Variants in PSG8 observed in about 807,000 individuals in gnomAD.
PSG8 encodes the protein pregnancy-specific beta-1-glycoprotein 8.
In PSG8, 57 loss-of-function variants were observed where a neutral mutation model predicts 42.5. The ratio of observed to expected loss-of-function variants is 1.34; its 90% CI spans 1.08 to 1.67. PSG8 has a LOEUF of 1.67. PSG8 is among the 40% of genes most tolerant of loss of function. The pLI is 0.00. For synonymous variants in PSG8, 280 were observed against 196.8 expected (o/e 1.42, Z -3.54); for missense variants, 783 against 518.6 (o/e 1.51, Z -4.95).
Position 42,765,548 on chromosome 19 carries a change from G to T in PSG8, c.34C>A (p.Arg12Ser), listed in dbSNP as rs200221981. The T allele has an allele frequency of 6.2e-7, 1 of 1,611,248 alleles. No individual in the cohort carries two copies. Among genetic ancestry groups the T allele is most frequent in the South Asian group, 1.1e-5 (1 of 91,052 alleles). ...AGCAGGAGCCCCTTCCAGGTGATGC[G>T]CTGTGTGCAGGGAGGGGCTGAGAGG... The part of the protein sequence containing the change: ...GLLSAPPCTQ[R>S]ITWKGLLLTA... Residue 12 changes from arginine (R) to serine (S), a missense_variant, in exon 1 of 5, where the codon CGC becomes AGC. Transcript: ENST00000306511.
At chr19:42,756,375 A>G (rs186864561) in intron 3 of PSG8, among the ~76,000 whole-genome samples, 1 of 152,300 alleles carries the variant, frequency 6.6e-6, no homozygotes, top group African/African-American at 2.4e-5. Context: ...GGGAGGTTCT[A>G]GAGATCTGCT....
At chr19:42,752,996 G>T (rs1969819592), downstream of PSG8, 1 of 494,262 alleles carries the variant, frequency 2.0e-6, no homozygotes, top group Admixed American at 3.4e-5. Flanking sequence ...ACCCTCAGAA[G>T]CTACTACATG....
chr19:42,752,997 C>A, downstream of PSG8: 2 of 497,146 alleles, frequency 4.0e-6, no homozygotes, highest in Non-Finnish European at 3.6e-6. Flanking sequence ...CCCTCAGAAG[C>A]TACTACATGT....
chr19:42,755,164 T>C lies in PSG8; in HGVS notation c.812A>G (p.Tyr271Cys), dbSNP rs1969889462. Residue 271 changes from tyrosine (Y) to cysteine (C), a missense_variant, in exon 4 of 5, where the codon TAC becomes TGC. By Grantham distance (194) the Tyr-to-Cys change is radical. Coordinates refer to ENST00000306511, the MANE Select transcript of PSG8 (RefSeq NM_182707.3). The stretch of plus-strand genomic sequence containing the variant: ...GCTCTGACCATTTAGCCACCAAATG[T>C]AGGTGTAGTTCTCACTCTTAGGTTC... ...TCEPKSENYTYIWWLNGQSLP... is the reference protein window; with the variant it reads ...TCEPKSENYTCIWWLNGQSLP... 1.1e-5 allele frequency: 18 copies of C among 1,611,908 alleles called. No homozygotes were observed. In the East Asian group the frequency reaches 3.8e-4, roughly 34 times the overall value.
intron 3 of PSG8, 171 bp from the exon 4 acceptor site, chr19:42,755,437 A>C: frequency 7.4e-7 from 1 of 1,351,770 alleles, no homozygotes; most frequent in Non-Finnish European, 1.0e-6. Flanking sequence ...GGGCTCAAAG[A>C]CTATGAGGCC....
At position 42,758,163 on chromosome 19, in the gene PSG8, T is replaced by C; in HGVS notation, c.548A>G (p.Asn183Ser). Residue 183 changes from asparagine to serine, a missense_variant, in exon 3 of 5, where the codon AAT (asparagine) becomes AGT (serine). Coordinates refer to ENST00000306511, the MANE Select transcript of PSG8 (RefSeq NM_182707.3). ...GTGAGACATAGGGAGGCTCTGACCA[T>C]TCATCCACCACAGGTAGCTTGCGTC... ...TPDASYLWWM[N>S]GQSLPMSHRL... The C allele has an allele frequency of 6.2e-7, 1 of 1,613,974 alleles. No homozygotes were observed. Among genetic ancestry groups the C allele is most frequent in the South Asian group, 1.1e-5 (1 of 91,058 alleles).
chr19:42,758,420 G>A, intron 2 of PSG8, 140 bp from the exon 3 acceptor site: 1 of 1,502,730 alleles, frequency 6.7e-7, no homozygotes, highest in Non-Finnish European at 8.9e-7. Context: ...TGTGTTGCAA[G>A]ACAGATGCAG....
At position 42,758,298 on chromosome 19, in the gene PSG8, A is replaced by G. The variant is rs1287067945; in HGVS notation, c.431-18T>C. 8 of 1,611,132 alleles carry G rather than the reference A, an allele frequency of 5.0e-6. No homozygotes were observed. The highest frequency in any genetic ancestry group is 1.1e-5 in the South Asian group (1 of 90,888). The stretch of plus-strand genomic sequence containing the variant: ...AGTCTCCACTGTGCAGAAAACAGAG[A>G]GAAGATTGCCCTGTGTGGCACCTTT... On this transcript the variant is annotated intron_variant, in intron 2 of 4. Transcript: ENST00000306511.
rs149943830 is a variant in PSG8, at chr19:42,754,408, C to T, written c.1168G>A (p.Gly390Arg). The T allele has an allele frequency of 9.9e-5, 159 of 1,613,670 alleles. 4 individuals carry two copies. In the South Asian group the frequency reaches 1.6e-3, roughly 16 times the overall value. Reference protein sequence around the residue: ...FIPQITTKHSGLYACSVRNSA... With the variant: ...FIPQITTKHSRLYACSVRNSA... The stretch of plus-strand genomic sequence containing the variant: ...TTACGAACAGAGCAAGCATAGAGCC[C>T]GCTATGCTTTGTAGTAATTTGGGGG... The change falls in exon 5 of 5, where the codon GGG becomes AGG. Residue 390 changes from glycine to arginine, a missense_variant. Physicochemically the swap from Gly to Arg is moderately radical, Grantham distance 125. Transcript: ENST00000306511.
At chr19:42,755,405 A>G in intron 3 of PSG8, 139 bp from the exon 4 acceptor site, 3 of 1,457,708 alleles carry the variant, frequency 2.1e-6, no homozygotes, top group Non-Finnish European at 2.8e-6. Flanking sequence ...GTGTGTCACA[A>G]GACAGATGCA....
At chr19:42,754,122 G>T (rs913533148), downstream of PSG8, 17 of 1,296,494 alleles carry the variant, frequency 1.3e-5, no homozygotes, top group African/African-American at 6.0e-5. Flanking sequence ...TTCCTGCTTG[G>T]TCTAGGCTGG....
chr19:42,764,298 G>C lies in PSG8; in HGVS notation c.65-17C>G. 1 of 1,607,626 alleles carries C rather than the reference G, an allele frequency of 6.2e-7. No individual in the cohort carries two copies. The highest frequency in any genetic ancestry group is 8.5e-7 in the Non-Finnish European group (1 of 1,176,900). ...AAAGTGATGCTAGGAGGTGGAGAGA[G>C]CATCAGTCAATATTGAGAGCTATGT... On this transcript the variant is annotated splice_polypyrimidine_tract_variant and intron_variant, in intron 1 of 4. Transcript: ENST00000306511.
Position 42,760,037 on chromosome 19 carries a change from A to G in PSG8, c.431-1757T>C, listed in dbSNP as rs1321698475. On this transcript the variant is annotated intron_variant, in intron 2 of 4. Transcript: ENST00000306511. ...GTGTGTTATGTTAGTAAATATAGAA[A>G]GAACTCCCTGCTTCTAAATTCTGTG... 2.0e-5 allele frequency among the ~76,000 whole-genome samples: 3 copies of G among 152,202 alleles called. No homozygotes were observed. In the South Asian group the frequency reaches 6.2e-4, roughly 32 times the overall value.
intron 2 of PSG8, among the ~76,000 whole-genome samples, chr19:42,759,559 C>G (rs1400936903): frequency 2.6e-5 from 4 of 152,144 alleles, no homozygotes; most frequent in African/African-American, 7.2e-5. Context: ...CACAATGCGC[C>G]AGTGAGCACT....
intron 2 of PSG8, among the ~76,000 whole-genome samples, chr19:42,759,835 C>A (rs1052739052): frequency 7.2e-5 from 11 of 152,160 alleles, no homozygotes; most frequent in African/African-American, 1.7e-4. Flanking sequence ...TTGAGACCAA[C>A]ATAAGGTTTA....
Position 42,764,136 on chromosome 19 carries a change from C to A in PSG8, c.210G>T (p.Gly70=), listed in dbSNP as rs778872603. The change falls in exon 2 of 5, where the codon GGG becomes GGT. Residue 70 remains glycine, a synonymous_variant. Coordinates refer to ENST00000306511, the MANE Select transcript of PSG8 (RefSeq NM_182707.3). Reference sequence around the variant, plus strand: ...TGTAATGGTAGAGGTCCCTGATTTGCCCTTTGTACCAGATGTAGCCAGTAA... The same window carrying A: ...TGTAATGGTAGAGGTCCCTGATTTGACCTTTGTACCAGATGTAGCCAGTAA... The part of the protein sequence containing the change: ...QNLTGYIWYK[G]QIRDLYHYIT... 6.2e-7 allele frequency: 1 copy of A among 1,613,828 alleles called. No individual in the cohort carries two copies. Among genetic ancestry groups the A allele is most frequent in the Non-Finnish European group, 8.5e-7 (1 of 1,179,876 alleles).
At chr19:42,754,206 A>G, downstream of PSG8, 1 of 1,565,504 alleles carries the variant, frequency 6.4e-7, no homozygotes, top group South Asian at 1.2e-5. Context: ...GTTTAGGAGG[A>G]GAATTTGGGA....
At chr19:42,754,676 G>A in intron 4 of PSG8, 89 bp from the exon 5 acceptor site, 2 of 1,464,652 alleles carry the variant, frequency 1.4e-6, no homozygotes, top group Admixed American at 4.2e-5. Context: ...GACCCTCTGA[G>A]CCAAGACACA....
Position 42,758,292 on chromosome 19 carries a change from A to G in PSG8, c.431-12T>C. The G allele has an allele frequency of 5.0e-6, 8 of 1,611,750 alleles. No homozygotes were observed. The highest frequency in any genetic ancestry group is 6.8e-6 in the Non-Finnish European group (8 of 1,178,648). ...CTTGGGAGTCTCCACTGTGCAGAAA[A>G]CAGAGAGAAGATTGCCCTGTGTGGC... On this transcript the variant is annotated splice_polypyrimidine_tract_variant and intron_variant, in intron 2 of 4. Coordinates refer to ENST00000306511, the MANE Select transcript of PSG8 (RefSeq NM_182707.3).
Sources: allele counts gnomAD v4.1 joint callset (sites outside exome capture counted in the v4.1 genomes callset), GRCh38; gene constraint gnomAD v4.1.1; transcripts MANE v1.5; gene names NCBI Gene and HGNC (gene_info 2026-07-23, HGNC 2026-07-21).